The following RAPGEF4 variants were observed in gnomAD, a reference collection of about 807,000 sequenced individuals.
The protein encoded by RAPGEF4 is Rap guanine nucleotide exchange factor 4.
Under a neutral mutation model 147.9 loss-of-function variants are expected in RAPGEF4, and 66 were observed. The ratio of observed to expected loss-of-function variants is 0.45; its 90% CI spans 0.37 to 0.55. The LOEUF (loss-of-function observed/expected upper bound fraction) is 0.55. RAPGEF4 is among the 20% of genes least tolerant of loss of function. The pLI is 0.00. For synonymous variants in RAPGEF4, 419 were observed against 442.7 expected, an observed-to-expected ratio of 0.95 and a Z score of 0.67; for missense variants, 1,071 against 1,257.3, an observed-to-expected ratio of 0.85 and a Z score of 2.24.
At chr2:172,920,011 G>C (rs1252977244) in intron 5 of RAPGEF4, among the ~76,000 whole-genome samples, 1 of 152,104 alleles carries the variant, frequency 6.6e-6, no homozygotes, top group East Asian at 1.9e-4. Context: ...GAGTCAACTG[G>C]CTGTGAACCT....
intron 29 of RAPGEF4, among the ~76,000 whole-genome samples, chr2:173,044,586 T>C (rs1685209821): frequency 6.6e-6 from 1 of 152,194 alleles, no homozygotes. Context: ...AGCTTTCAGT[T>C]GGGCCCATCT....
chr2:172,912,482 G>A (rs1449486078), intron 4 of RAPGEF4, among the ~76,000 whole-genome samples: 1 of 152,172 alleles, frequency 6.6e-6, no homozygotes, highest in Non-Finnish European at 1.5e-5. Context: ...CAGTTGCACA[G>A]TTGGCCTCCT....
At chr2:172,924,469 A>G (rs1685073450) in intron 6 of RAPGEF4, among the ~76,000 whole-genome samples, 1 of 152,240 alleles carries the variant, frequency 6.6e-6, no homozygotes, top group Admixed American at 6.5e-5. Flanking sequence ...GTAGTAGTAT[A>G]TATTTATTTG....
chr2:172,932,684 A>AT (rs1489079534), intron 6 of RAPGEF4, among the ~76,000 whole-genome samples: 6 of 151,866 alleles, frequency 4.0e-5, no homozygotes, highest in African/African-American at 9.7e-5. Flanking sequence ...TCTTAAATAG[A>AT]TTTTTTTTTA....
intron 4 of RAPGEF4, among the ~76,000 whole-genome samples, chr2:172,902,464 A>G (rs1054432649): frequency 2.6e-5 from 4 of 151,892 alleles, no homozygotes; most frequent in African/African-American, 9.7e-5. Flanking sequence ...CACTACAGTC[A>G]GTTAATTTTT....
intron 4 of RAPGEF4, chr2:172,814,761 C>A: frequency 3.2e-6 from 1 of 312,782 alleles, no homozygotes; most frequent in South Asian, 3.3e-5. Flanking sequence ...TTGACATTTT[C>A]TTTTGCATTT....
chr2:172,879,461 G>A (rs1696355270), intron 4 of RAPGEF4, among the ~76,000 whole-genome samples: 1 of 152,094 alleles, frequency 6.6e-6, no homozygotes. Context: ...GAGGAATTGG[G>A]GTGGAGTGAC....
At chr2:172,821,002 G>C (rs1689011338) in intron 4 of RAPGEF4, among the ~76,000 whole-genome samples, 1 of 152,134 alleles carries the variant, frequency 6.6e-6, no homozygotes, top group Non-Finnish European at 1.5e-5. Flanking sequence ...TTGCTGAGGT[G>C]CTTTAAAAAC....
chr2:172,920,101 A>G (rs1684579499), intron 5 of RAPGEF4, among the ~76,000 whole-genome samples: 1 of 152,148 alleles, frequency 6.6e-6, no homozygotes, highest in Non-Finnish European at 1.5e-5. Flanking sequence ...AATTTCAAAC[A>G]TACAGAAAGT....
At chr2:172,961,251 C>A in intron 8 of RAPGEF4, 23 bp downstream of exon 8, 2 of 1,496,510 alleles carry the variant, frequency 1.3e-6, no homozygotes, top group Non-Finnish European at 1.9e-6. Context: ...ATTCTAAAGG[C>A]TGTGCCCCGC....
intron 1 of RAPGEF4, among the ~76,000 whole-genome samples, chr2:172,791,312 G>T (rs62168120): frequency 0.11 from 16,524 of 152,264 alleles, 1,192 homozygotes; most frequent in Middle Eastern, 0.16. Context: ...AGTAGCAGAT[G>T]TGGGAGAGAA....
At chr2:172,910,456 A>G (rs1699985523) in intron 4 of RAPGEF4, among the ~76,000 whole-genome samples, 1 of 152,140 alleles carries the variant, frequency 6.6e-6, no homozygotes, top group Admixed American at 6.5e-5. Context: ...TATTCCTTTT[A>G]TCTATTGTCT....
intron 6 of RAPGEF4, among the ~76,000 whole-genome samples, chr2:172,960,032 G>A (rs1689125214): frequency 6.6e-6 from 1 of 152,146 alleles, no homozygotes; most frequent in Admixed American, 6.5e-5. Flanking sequence ...CTTTGAAGCT[G>A]CAGTGAGCTA....
chr2:172,873,048 G>A (rs1359377994), intron 4 of RAPGEF4, among the ~76,000 whole-genome samples: 3 of 152,180 alleles, frequency 2.0e-5, no homozygotes, highest in Non-Finnish European at 2.9e-5. Context: ...GCTTAGGAGA[G>A]GGAATCAGAC....
intron 3 of RAPGEF4, among the ~76,000 whole-genome samples, chr2:172,799,455 T>A (rs1465473265): frequency 6.6e-6 from 1 of 152,202 alleles, no homozygotes; most frequent in African/African-American, 2.4e-5. Context: ...CCCTGCCTTT[T>A]GTCATCCTTT....
intron 5 of RAPGEF4, 191 bp downstream of exon 5, chr2:172,918,065 T>G (rs772439829): frequency 4.0e-6 from 3 of 740,856 alleles, no homozygotes; most frequent in African/African-American, 3.4e-5. Context: ...GTCTGTGGTC[T>G]TAGCTGATAG....
rs78213567 is a variant in RAPGEF4, at chr2:173,021,117, G to A, written c.2253+402G>A. Among the ~76,000 whole-genome samples the A allele has an allele frequency of 5.8e-3, 888 of 152,284 alleles. 11 individuals are homozygous for A. Among genetic ancestry groups the A allele is most frequent in the African/African-American group, 0.021 (857 of 41,548 alleles). Reference sequence around the variant, plus strand: ...CACCATCTGATCTAAGAGAAATGCTGTTCCCCAAAAGCACTTTCTCTACCT... The same window carrying A: ...CACCATCTGATCTAAGAGAAATGCTATTCCCCAAAAGCACTTTCTCTACCT... On this transcript the variant is annotated intron_variant, in intron 23 of 30. Transcript: ENST00000397081.
chr2:173,016,579 G>T lies in RAPGEF4; in HGVS notation c.1898+142G>T, dbSNP rs962767972. ...TTAAGCAGACTGGGCTGAGGGCATA[G>T]GTGGTGCAGTAAGGCCAGAGGAACA... On this transcript the variant is annotated intron_variant, in intron 19 of 30. Transcript: ENST00000397081. The T allele has an allele frequency of 4.6e-6, 3 of 658,370 alleles. No individual in the cohort carries two copies. In the South Asian group the frequency reaches 5.5e-5, roughly 12 times the overall value. The allele number at this position is 658,370 out of a possible 1,614,324, so 40.8% of individuals were successfully genotyped here. A position where few individuals can be genotyped will look rare whatever the true frequency, so the allele number is the denominator to read the frequency against.
chr2:172,917,593 G>A, intron 4 of RAPGEF4: 2 of 683,892 alleles, frequency 2.9e-6, no homozygotes, highest in Non-Finnish European at 5.3e-6. Context: ...CCTGCCCCCG[G>A]GCACATTCAG....
Sources: gnomAD v4.1 joint callset for allele counts (sites outside exome capture counted in the v4.1 genomes callset) on GRCh38, gnomAD v4.1.1 for gene constraint, MANE v1.5 for transcripts, NCBI Gene and HGNC (gene_info 2026-07-23, HGNC 2026-07-21) for gene names.